Variants in LRRFIP1 observed in about 807,000 individuals in gnomAD.
LRRFIP1 encodes the protein leucine-rich repeat flightless-interacting protein 1.
LRRFIP1 carries 62 observed loss-of-function variants against 104.4 expected under a neutral mutation model. That is an observed-to-expected ratio of 0.59 (90% confidence interval 0.48 to 0.73). The LOEUF (loss-of-function observed/expected upper bound fraction) is 0.73. Ranked by LOEUF, LRRFIP1 falls within the 30% of genes least tolerant of loss-of-function variation. The probability of loss-of-function intolerance (pLI) is 0.00; values close to 1 mark genes in which losing one functional copy is unlikely to be tolerated. For missense variants in LRRFIP1, 796 were observed against 824.5 expected, an observed-to-expected ratio of 0.97 and a Z score of 0.42; for synonymous variants, 300 against 299.0, an observed-to-expected ratio of 1.00 and a Z score of -0.03.
intron 4 of LRRFIP1, among the ~76,000 whole-genome samples, chr2:237,719,088 G>A (rs1327873245): frequency 1.3e-5 from 2 of 152,152 alleles, no homozygotes; most frequent in Non-Finnish European, 2.9e-5. Flanking sequence ...GTGAAAAACC[G>A]TGTGTGTCTT....
chr2:237,651,179 A>G (rs1366095641), intron 1 of LRRFIP1, among the ~76,000 whole-genome samples: 2 of 152,254 alleles, frequency 1.3e-5, no homozygotes, highest in Admixed American at 1.3e-4. Flanking sequence ...TCTGTCACCC[A>G]GATTCAACAA....
intron 8 of LRRFIP1, chr2:237,729,677 C>T (rs541222103): frequency 3.0e-6 from 1 of 338,814 alleles, no homozygotes; most frequent in Non-Finnish European, 4.2e-6. Context: ...AGTGTTGGCT[C>T]GGTTGTGCTG....
intron 2 of LRRFIP1, among the ~76,000 whole-genome samples, chr2:237,709,647 G>A (rs527643870): frequency 2.5e-4 from 38 of 152,202 alleles, no homozygotes; most frequent in African/African-American, 9.2e-4. Context: ...CAGGGTCAGG[G>A]CCCTGCCACA....
At chr2:237,772,737 G>GGA in intron 21 of LRRFIP1, 129 bp from the exon 22 acceptor site, 1 of 669,686 alleles carries the variant, frequency 1.5e-6, no homozygotes, top group South Asian at 1.8e-5. Context: ...GGGAGGTTGT[G>GGA]GAGGCAGGGC....
At chr2:237,765,435 T>TAAAAAA (rs60482580) in intron 19 of LRRFIP1, 5 of 453,668 alleles carry the variant, frequency 1.1e-5, no homozygotes, top group East Asian at 2.6e-4. Context: ...ACACTGTCTC[T>TAAAAAA]AAAAAAAAAA....
chr2:237,692,100 G>T (rs2092820900), intron 1 of LRRFIP1: 2 of 754,900 alleles, frequency 2.6e-6, no homozygotes, highest in African/African-American at 4.3e-5. Context: ...CATGGGGCGG[G>T]GACGGGGCGG....
At chr2:237,704,663 T>G (rs1019557679) in intron 1 of LRRFIP1, among the ~76,000 whole-genome samples, 4 of 152,234 alleles carry the variant, frequency 2.6e-5, no homozygotes, top group African/African-American at 7.2e-5. Context: ...AGCACTTTGT[T>G]TTCCACATAT....
rs538761963 is a variant in LRRFIP1 at position 237,766,139 on chromosome 2, A to G, written c.1460-3804A>G. Among the ~76,000 whole-genome samples the G allele has an allele frequency of 6.6e-6, 1 of 152,258 alleles. No individual in the cohort carries two copies. Among genetic ancestry groups the G allele is most frequent in the South Asian group, 2.1e-4 (1 of 4,822 alleles). Reference sequence around the variant, plus strand: ...GGGAGAACTGAGACGATTGTCACGCACCATCCCCTGTGATCTGTGGTTCTG... The same window carrying G: ...GGGAGAACTGAGACGATTGTCACGCGCCATCCCCTGTGATCTGTGGTTCTG... On this transcript the variant is annotated intron_variant, in intron 19 of 23. Coordinates refer to ENST00000308482, the MANE Select transcript of LRRFIP1 (RefSeq NM_001137550.2). The surrounding 1 kb of genome is among the most constrained non-coding windows in gnomAD (Gnocchi z 4.8).
At chr2:237,695,922 T>G (rs747975458) in intron 1 of LRRFIP1, among the ~76,000 whole-genome samples, 1 of 152,172 alleles carries the variant, frequency 6.6e-6, no homozygotes, top group Non-Finnish European at 1.5e-5. Context: ...ATGTATTTGA[T>G]TATAGACCAG....
At chr2:237,706,068 A>G (rs1028757453) in intron 1 of LRRFIP1, among the ~76,000 whole-genome samples, 10 of 152,302 alleles carry the variant, frequency 6.6e-5, no homozygotes, top group Admixed American at 2.0e-4. Context: ...AATACAGCCT[A>G]ATTACAGTGG....
chr2:237,770,084 A>G (rs755576209), intron 20 of LRRFIP1, 92 bp downstream of exon 20: 1 of 989,728 alleles, frequency 1.0e-6, no homozygotes, highest in African/African-American at 1.6e-5. Flanking sequence ...GAAAACCCCT[A>G]AGTTAATCAT....
intron 1 of LRRFIP1, among the ~76,000 whole-genome samples, chr2:237,690,697 A>G (rs2092696195): frequency 6.6e-6 from 1 of 150,724 alleles, no homozygotes. Flanking sequence ...AGATCGCGCC[A>G]TTGCACTCCA....
chr2:237,697,139 A>G (rs1239842028), intron 1 of LRRFIP1, among the ~76,000 whole-genome samples: 1 of 152,142 alleles, frequency 6.6e-6, no homozygotes, highest in Non-Finnish European at 1.5e-5. Flanking sequence ...CTCCTGCCTC[A>G]GACCTCTGAA....
Position 237,751,178 on chromosome 2 carries a change from C to T in LRRFIP1, c.796-22C>T, listed in dbSNP as rs146402354. On this transcript the variant is annotated intron_variant, in intron 13 of 23. Transcript: ENST00000308482. The stretch of plus-strand genomic sequence containing the variant: ...ACCTGTTTTCCCTTGACATCATCTG[C>T]CTTTTTTGCCATTTCCCCCAGGAAC... 5.2e-3 allele frequency: 8,127 copies of T among 1,577,342 alleles called. 40 individuals carry two copies. Among genetic ancestry groups the T allele is most frequent in the Middle Eastern group, 0.013 (80 of 6,006 alleles).
chr2:237,770,704 A>T (rs1014943785), intron 20 of LRRFIP1: 13 of 152,384 alleles, frequency 8.5e-5, no homozygotes, highest in African/African-American at 3.1e-4. Context: ...GAGGCAGGAG[A>T]ATCGCTTGAA....
intron 21 of LRRFIP1, chr2:237,772,491 T>A: frequency 2.2e-6 from 1 of 446,040 alleles, no homozygotes; most frequent in Non-Finnish European, 4.0e-6. Flanking sequence ...GATCTGTTGA[T>A]TGTATGAAAA....
chr2:237,748,166 A>G (rs765243599), intron 11 of LRRFIP1, among the ~76,000 whole-genome samples, 198 bp from the exon 12 acceptor site: 2 of 152,242 alleles, frequency 1.3e-5, no homozygotes, highest in African/African-American at 2.4e-5. Context: ...AAATGAGGAC[A>G]AGAGAAGAAG....
At chr2:237,682,247 C>T (rs1210825048) in intron 1 of LRRFIP1, among the ~76,000 whole-genome samples, 1 of 152,312 alleles carries the variant, frequency 6.6e-6, no homozygotes. Context: ...AGCTGCCAGA[C>T]GGAATCTTTT....
At chr2:237,722,197 G>A (rs768261188) in intron 6 of LRRFIP1, 4 of 152,054 alleles carry the variant, frequency 2.6e-5, no homozygotes, top group Non-Finnish European at 5.9e-5. Context: ...GAAATATTGA[G>A]GGCAAAACCT....
Sources: gnomAD v4.1 joint callset for allele counts (sites outside exome capture counted in the v4.1 genomes callset) on GRCh38, gnomAD v4.1.1 for gene constraint, Gnocchi (gnomAD v3.1) non-coding constraint, MANE v1.5 for transcripts, NCBI Gene and HGNC (gene_info 2026-07-23, HGNC 2026-07-21) for gene names.